Variants in ST3GAL4 observed in about 807,000 individuals in gnomAD.
ST3GAL4 encodes ST3 beta-galactoside alpha-2,3-sialyltransferase 4.
In ST3GAL4, 24 loss-of-function variants were observed where a neutral mutation model predicts 42.6. The ratio of observed to expected loss-of-function variants is 0.56; its 90% CI spans 0.41 to 0.79. The LOEUF (loss-of-function observed/expected upper bound fraction) is 0.79, where lower values mean the gene tolerates loss of function less well. Among genes scored for constraint, ST3GAL4 ranks in the 30% least tolerant of loss-of-function variants. The probability of loss-of-function intolerance (pLI) is 0.00; values close to 1 mark genes in which losing one functional copy is unlikely to be tolerated. For missense variants in ST3GAL4, 311 were observed against 430.8 expected, an observed-to-expected ratio of 0.72 and a Z score of 2.46; for synonymous variants, 135 against 163.2, an observed-to-expected ratio of 0.83 and a Z score of 1.32.
At chr11:126,358,185 C>T (rs1052510770) in intron 1 of ST3GAL4, among the ~76,000 whole-genome samples, 3 of 152,370 alleles carry the variant, frequency 2.0e-5, no homozygotes, top group Middle Eastern at 3.4e-3. Context: ...GCCCCTGCTT[C>T]CTGCCCCCTC....
intron 1 of ST3GAL4, among the ~76,000 whole-genome samples, chr11:126,402,950 C>A (rs919486313): frequency 6.6e-6 from 1 of 152,176 alleles, no homozygotes; most frequent in Non-Finnish European, 1.5e-5. Context: ...GAGGCTGGTC[C>A]CCTTGGACAT....
Position 126,383,441 on chromosome 11 carries a change from C to CTGT in ST3GAL4, c.-60-22655_-60-22654insTGT, listed in dbSNP as rs1476827368. On this transcript the variant is annotated intron_variant, in intron 1 of 10. Coordinates refer to ENST00000444328, the MANE Select transcript of ST3GAL4 (RefSeq NM_001254757.2). The surrounding 1 kb of genome is among the most constrained non-coding windows in gnomAD (Gnocchi z 4.5). ...GAGGGAGGTAGAGCAGCAGCAGCAG[C>CTGT]AGCTGAGCCCAGCCCCCGGCCAGCC... Among the ~76,000 whole-genome samples, 1 of 152,154 alleles carries CTGT rather than the reference C, an allele frequency of 6.6e-6. No individual in the cohort carries two copies. Among genetic ancestry groups the CTGT allele is most frequent in the Non-Finnish European group, 1.5e-5 (1 of 68,014 alleles).
chr11:126,371,163 CTTTT>C lies in ST3GAL4; in HGVS notation c.-61+15337_-61+15340del, dbSNP rs551443393. Among the ~76,000 whole-genome samples, 20 of 59,964 alleles carry C rather than the reference CTTTT, an allele frequency of 3.3e-4. 1 individual carries two copies. The highest frequency in any genetic ancestry group is 2.6e-3 in the South Asian group (3 of 1,148). The allele number at this position is 59,964 out of a possible 152,430, so 39.3% of individuals were successfully genotyped here. ...ATCTATTCTATTCTTCCCCACATTC[CTTTT>C]TTTTTTTTTTTTTTTGAGATGGAGT... On this transcript the variant is annotated intron_variant, in intron 1 of 10. Coordinates refer to ENST00000444328, the MANE Select transcript of ST3GAL4 (RefSeq NM_001254757.2).
At chr11:126,380,219 G>C (rs1466981757) in intron 1 of ST3GAL4, among the ~76,000 whole-genome samples, 3 of 151,004 alleles carry the variant, frequency 2.0e-5, no homozygotes, top group African/African-American at 7.3e-5. Context: ...CCGAGATTGT[G>C]CCACCGCACT....
In ST3GAL4 at chr11:126,406,266, A is replaced by G; in HGVS notation, c.16+95A>G. On this transcript the variant is annotated intron_variant, in intron 2 of 10. Coordinates refer to ENST00000444328, the MANE Select transcript of ST3GAL4 (RefSeq NM_001254757.2). This position sits in a 1 kb window ranked among gnomAD's most constrained non-coding sequence, Gnocchi z 5.4. ...GGACCTCTGGGGGCTGTGGAGGGAC[A>G]GACAGGGAGCCAGGGGCCCTTCTCT... is the stretch of plus-strand genomic sequence containing the variant. 6.5e-7 allele frequency: 1 copy of G among 1,548,716 alleles called. No individual in the cohort carries two copies. The highest frequency in any genetic ancestry group is 2.2e-4 in the Middle Eastern group (1 of 4,476).
rs1184634990 is a variant in ST3GAL4 at position 126,384,078 on chromosome 11, G to C, written c.-60-22018G>C. On this transcript the variant is annotated intron_variant, in intron 1 of 10. Coordinates refer to ENST00000444328, the MANE Select transcript of ST3GAL4 (RefSeq NM_001254757.2). This position sits in a 1 kb window ranked among gnomAD's most constrained non-coding sequence, Gnocchi z 5.5. ...GGCGAGCCTGCCTTGATACTCCCCG[G>C]CTCAACCCCTTTAACCCTGCTGGCT... Among the ~76,000 whole-genome samples the C allele has an allele frequency of 2.0e-5, 3 of 152,104 alleles. No individual in the cohort carries two copies. The highest frequency in any genetic ancestry group is 1.5e-5 in the Non-Finnish European group (1 of 68,026).
chr11:126,385,866 G>C lies in ST3GAL4; in HGVS notation c.-60-20230G>C, dbSNP rs201144709. 2.7e-4 allele frequency among the ~76,000 whole-genome samples: 41 copies of C among 151,010 alleles called. No individual in the cohort carries two copies. The East Asian group carries it at 7.0e-3, about 26-fold the overall frequency. On this transcript the variant is annotated intron_variant, in intron 1 of 10. Coordinates refer to ENST00000444328, the MANE Select transcript of ST3GAL4 (RefSeq NM_001254757.2). ...GTCTCAAAAAAAAAAAGCGAATCCA[G>C]TGGTGTCACTCTTTGTTATCAATGC... is the stretch of plus-strand genomic sequence containing the variant.
rs1953840831 is a variant in ST3GAL4, at chr11:126,397,764, G to A, written c.-60-8332G>A. Among the ~76,000 whole-genome samples the A allele has an allele frequency of 6.7e-6, 1 of 150,066 alleles. No homozygotes were observed. On this transcript the variant is annotated intron_variant, in intron 1 of 10. Transcript: ENST00000444328. This position sits in a 1 kb window ranked among gnomAD's most constrained non-coding sequence, Gnocchi z 5.0. Reference sequence around the variant, plus strand: ...TTGCTGCATTGTCTCATGGTGGATGGAAGAAGGGCAAGGTGGAGAGAGAGA... The same window carrying A: ...TTGCTGCATTGTCTCATGGTGGATGAAAGAAGGGCAAGGTGGAGAGAGAGA...
At chr11:126,375,462 T>C (rs574637154) in intron 1 of ST3GAL4, among the ~76,000 whole-genome samples, 5 of 152,248 alleles carry the variant, frequency 3.3e-5, no homozygotes, top group Admixed American at 6.5e-5. Flanking sequence ...CGGGATGGTT[T>C]TAGAAGCCGT....
At position 126,414,204 on chromosome 11, in the gene ST3GAL4, GC is replaced by G; in HGVS notation, c.*161del. 2 of 692,716 alleles carry G rather than the reference GC, an allele frequency of 2.9e-6. No homozygotes were observed. The highest frequency in any genetic ancestry group is 1.7e-5 in the South Asian group (1 of 57,708). The allele number at this position is 692,716 out of a possible 1,614,324, so 42.9% of individuals were successfully genotyped here. On this transcript the variant is annotated 3_prime_UTR_variant, in exon 11 of 11. Transcript: ENST00000444328. ...CTGGCCAGGTCTGAGATGAGGCCATGCCCCTGGCTGCTCTTATGGAGCCGAG... is the reference window on the plus strand; with the variant it reads ...CTGGCCAGGTCTGAGATGAGGCCATGCCCTGGCTGCTCTTATGGAGCCGAG...
chr11:126,370,516 A>G (rs1439828933), intron 1 of ST3GAL4, among the ~76,000 whole-genome samples: 1 of 152,212 alleles, frequency 6.6e-6, no homozygotes. Flanking sequence ...GAATTAACTG[A>G]TAAGTTAATA....
At position 126,380,561 on chromosome 11, in the gene ST3GAL4, ACT is replaced by A. The variant is rs563503536; in HGVS notation, c.-61+24722_-61+24723del. 4.6e-5 allele frequency among the ~76,000 whole-genome samples: 7 copies of A among 152,214 alleles called. No homozygotes were observed. The South Asian group carries it at 8.3e-4, about 18-fold the overall frequency. Reference sequence around the variant, plus strand: ...TCTTTTGGCCAAGGTAATTCAGTTGACTCTGTTAATTTAGCTAATTTTAGTTT... The same window carrying A: ...TCTTTTGGCCAAGGTAATTCAGTTGACTGTTAATTTAGCTAATTTTAGTTT... On this transcript the variant is annotated intron_variant, in intron 1 of 10. Coordinates refer to ENST00000444328, the MANE Select transcript of ST3GAL4 (RefSeq NM_001254757.2).
At chr11:126,385,796 G>C (rs1192267099) in intron 1 of ST3GAL4, among the ~76,000 whole-genome samples, 3 of 151,848 alleles carry the variant, frequency 2.0e-5, no homozygotes, top group African/African-American at 7.3e-5. Flanking sequence ...AGGATCCCTT[G>C]AGCCCAGGAG....
At position 126,396,336 on chromosome 11, in the gene ST3GAL4, G is replaced by A. The variant is rs1464466095; in HGVS notation, c.-60-9760G>A. The stretch of plus-strand genomic sequence containing the variant: ...GAGGTTCGGCAGGGAAGCCAGAGGA[G>A]TCCGCAGCCCGGGAGACCTGGCCTA... On this transcript the variant is annotated intron_variant, in intron 1 of 10. Transcript: ENST00000444328. This position sits in a 1 kb window ranked among gnomAD's most constrained non-coding sequence, Gnocchi z 5.8. Among the ~76,000 whole-genome samples the A allele has an allele frequency of 2.0e-5, 3 of 152,098 alleles. No homozygotes were observed. Among genetic ancestry groups the A allele is most frequent in the Non-Finnish European group, 4.4e-5 (3 of 68,040 alleles).
chr11:126,401,972 T>C (rs1017944832), intron 1 of ST3GAL4, among the ~76,000 whole-genome samples: 2 of 151,508 alleles, frequency 1.3e-5, no homozygotes, highest in African/African-American at 4.9e-5. Context: ...TGAGCATGTT[T>C]ATAAGTCAGA....
chr11:126,361,792 G>A (rs1201107554), intron 1 of ST3GAL4, among the ~76,000 whole-genome samples: 1 of 152,150 alleles, frequency 6.6e-6, no homozygotes, highest in East Asian at 1.9e-4. Context: ...GCAGGTTGGA[G>A]GCTCTCAGCC....
intron 1 of ST3GAL4, among the ~76,000 whole-genome samples, chr11:126,394,972 C>CCCA (rs1329288291): frequency 6.6e-6 from 1 of 152,116 alleles, no homozygotes; most frequent in Non-Finnish European, 1.5e-5. Flanking sequence ...ATGCATGACC[C>CCCA]TGAGGCAGTT....
At chr11:126,370,361 T>TTAAATGTAGA (rs1952595225) in intron 1 of ST3GAL4, among the ~76,000 whole-genome samples, 3 of 152,328 alleles carry the variant, frequency 2.0e-5, no homozygotes, top group Admixed American at 6.5e-5. Flanking sequence ...ACCGGAAGTT[T>TTAAATGTAGA]TAAATGTAGA....
chr11:126,402,091 A>AGGGGGGGGGGGG (rs146212978), intron 1 of ST3GAL4, among the ~76,000 whole-genome samples: 2 of 131,664 alleles, frequency 1.5e-5, no homozygotes, highest in Non-Finnish European at 3.2e-5. Flanking sequence ...ATTTGGGGGA[A>AGGGGGGGGGGGG]AGAGGGGAGG....
Sources: gnomAD v4.1 joint callset for allele counts (sites outside exome capture counted in the v4.1 genomes callset) on GRCh38, gnomAD v4.1.1 for gene constraint, Gnocchi (gnomAD v3.1) non-coding constraint, MANE v1.5 for transcripts, NCBI Gene and HGNC (gene_info 2026-07-23, HGNC 2026-07-21) for gene names.